Variants in SPATA22 observed in about 807,000 individuals in gnomAD.
SPATA22 encodes the protein spermatogenesis-associated protein 22.
In SPATA22, 29 loss-of-function variants were observed where a neutral mutation model predicts 47.8. The observed-to-expected ratio is 0.61, with a 90% CI of 0.45 to 0.83. SPATA22 has a LOEUF of 0.83. Among genes scored for constraint, SPATA22 ranks in the 40% least tolerant of loss-of-function variants. The pLI is 0.00. For missense variants in SPATA22, 410 were observed against 421.7 expected, an observed-to-expected ratio of 0.97 and a Z score of 0.24; for synonymous variants, 133 against 140.9, an observed-to-expected ratio of 0.94 and a Z score of 0.40.
intron 1 of SPATA22, among the ~76,000 whole-genome samples, chr17:3,493,617 C>T (rs1271161637): frequency 6.7e-6 from 1 of 150,358 alleles, no homozygotes; most frequent in African/African-American, 2.4e-5. Flanking sequence ...GAAGTCACCT[C>T]AGTTGCTGGA....
At chr17:3,496,575 C>T (rs540443195) in intron 1 of SPATA22, among the ~76,000 whole-genome samples, 6 of 152,208 alleles carry the variant, frequency 3.9e-5, no homozygotes, top group East Asian at 1.9e-4. Flanking sequence ...GAGCAGAGGA[C>T]GGTAGAGCCT....
rs762129639 is a variant in SPATA22, at chr17:3,449,033, C to G, written c.446G>C (p.Ser149Thr). ...ANDGKNSCPVSSGAQQQKQLR... is the reference protein window; with the variant it reads ...ANDGKNSCPVTSGAQQQKQLR... ...TTGTTTTTGTTGTTGAGCTCCCGAACTCACTGGACAAGAATTTTTTCCATC... is the reference window on the plus strand; with the variant it reads ...TTGTTTTTGTTGTTGAGCTCCCGAAGTCACTGGACAAGAATTTTTTCCATC... Residue 149 changes from serine (S) to threonine (T), a missense_variant, in exon 6 of 9, where the codon AGT (serine) becomes ACT (threonine). By Grantham distance (58) the Ser-to-Thr change is moderately conservative. Coordinates refer to ENST00000572969, the MANE Select transcript of SPATA22 (RefSeq NM_001170698.2). The G allele has an allele frequency of 6.2e-7, 1 of 1,613,876 alleles. No homozygotes were observed. The highest frequency in any genetic ancestry group is 8.5e-7 in the Non-Finnish European group (1 of 1,179,970).
chr17:3,455,722 G>C, intron 5 of SPATA22, among the ~76,000 whole-genome samples: 3 of 143,196 alleles, frequency 2.1e-5, no homozygotes, highest in Non-Finnish European at 4.6e-5. Flanking sequence ...TTTGAAGTCA[G>C]GTAGCGTGAT....
At chr17:3,444,665 C>G (rs931293164) in intron 7 of SPATA22, among the ~76,000 whole-genome samples, 1 of 152,024 alleles carries the variant, frequency 6.6e-6, no homozygotes. Context: ...AGTCAGAAAC[C>G]TAGCCACTTT....
Position 3,512,878 on chromosome 17 carries a change from A to G in SPATA22, c.-74+534T>C, listed in dbSNP as rs10852860. The G allele has an allele frequency of 0.52, 79,278 of 152,054 alleles. 22,237 individuals are homozygous for G. Among genetic ancestry groups the G allele is most frequent in the South Asian group, 0.73 (3,528 of 4,806 alleles). The allele number at this position is 152,054 out of a possible 1,614,324, so 9.4% of individuals were successfully genotyped here. On this transcript the variant is annotated intron_variant, in intron 1 of 8. Transcript: ENST00000541913. ...TTTTGTTAAATTCCCCCACTGAGAC[A>G]TACTGAGGTATGCGACTAACTGCTG... is the stretch of plus-strand genomic sequence containing the variant.
intron 1 of SPATA22, among the ~76,000 whole-genome samples, chr17:3,470,093 CAAAAAAAAA>C (rs57432043): frequency 0.016 from 857 of 54,314 alleles, 17 homozygotes; most frequent in African/African-American, 0.057. Flanking sequence ...GACTCCATCT[CAAAAAAAAA>C]AAAAAAAAAA....
At chr17:3,500,754 T>A (rs2073980275) in intron 1 of SPATA22, 2 of 152,154 alleles carry the variant, frequency 1.3e-5, no homozygotes, top group African/African-American at 4.8e-5. Context: ...TCCGCCTGCC[T>A]CGGCCTCCCA....
chr17:3,504,707 G>A (rs555249682), intron 1 of SPATA22, among the ~76,000 whole-genome samples: 92 of 152,138 alleles, frequency 6.0e-4, no homozygotes, highest in African/African-American at 2.0e-3. Context: ...ATAGGCATGC[G>A]CCACCACGCC....
chr17:3,486,739 A>G (rs1399095813), intron 1 of SPATA22, among the ~76,000 whole-genome samples: 1 of 152,264 alleles, frequency 6.6e-6, no homozygotes, highest in Admixed American at 6.5e-5. Context: ...GTTGGCAAAC[A>G]ATATAAATAA....
At chr17:3,461,793 T>C (rs1276805948) in intron 5 of SPATA22, among the ~76,000 whole-genome samples, 1 of 152,186 alleles carries the variant, frequency 6.6e-6, no homozygotes, top group African/African-American at 2.4e-5. Context: ...ATCAAAGCAC[T>C]TAACAGTGAC....
At chr17:3,470,257 C>T (rs994952112) in intron 1 of SPATA22, among the ~76,000 whole-genome samples, 1 of 151,968 alleles carries the variant, frequency 6.6e-6, no homozygotes, top group African/African-American at 2.4e-5. Context: ...CACGTTTAGC[C>T]CCTTAACACA....
intron 1 of SPATA22, among the ~76,000 whole-genome samples, chr17:3,498,498 C>T (rs532895590): frequency 3.3e-5 from 5 of 152,144 alleles, no homozygotes; most frequent in African/African-American, 1.2e-4. Flanking sequence ...CAGGCATGCA[C>T]CACCACACCC....
chr17:3,457,057 T>C (rs1320737260), intron 5 of SPATA22, among the ~76,000 whole-genome samples: 1 of 152,146 alleles, frequency 6.6e-6, no homozygotes, highest in Admixed American at 6.5e-5. Flanking sequence ...CTCAAAATAG[T>C]AAGGGCTATC....
chr17:3,513,725 G>A (rs2074143531), exon 1 of SPATA22: 1 of 501,048 alleles, frequency 2.0e-6, no homozygotes. Context: ...AATCCAGGAT[G>A]TTTCCCACTC....
At chr17:3,446,384 T>C in intron 7 of SPATA22, 88 bp downstream of exon 7, 2 of 1,358,760 alleles carry the variant, frequency 1.5e-6, no homozygotes, top group Non-Finnish European at 2.0e-6. Context: ...AAGCAGACTG[T>C]TTTATTTGGA....
At chr17:3,454,151 G>A (rs2072927987) in intron 5 of SPATA22, among the ~76,000 whole-genome samples, 1 of 148,574 alleles carries the variant, frequency 6.7e-6, no homozygotes, top group African/African-American at 2.5e-5. Flanking sequence ...AAAATACTTA[G>A]GAATAAATGA....
Position 3,495,134 on chromosome 17 carries a change from C to T in SPATA22, c.-74+18278G>A, listed in dbSNP as rs1324759802. 7.9e-5 allele frequency among the ~76,000 whole-genome samples: 12 copies of T among 151,922 alleles called. No individual in the cohort carries two copies. In the East Asian group the frequency reaches 1.3e-3, roughly 17 times the overall value. ...TGAGAGAATGTAGGAGGTTTAAATC[C>T]GGAAAAGGCAAAGGGAAAAGGAGAG... On this transcript the variant is annotated intron_variant, in intron 1 of 8. Transcript: ENST00000541913.
At position 3,471,550 on chromosome 17, in the gene SPATA22, G is replaced by A. The variant is rs148166787; in HGVS notation, c.-74+132C>T. On this transcript the variant is annotated intron_variant, in intron 1 of 8. Transcript: ENST00000572969. ...CACACACACCACCCACAAAAACCAC[G>A]GCCTCAAATGGCGGCCTGTTTTGGC... is the stretch of plus-strand genomic sequence containing the variant. The A allele has an allele frequency of 4.0e-4, 393 of 980,738 alleles. No homozygotes were observed. In the African/African-American group the frequency reaches 6.9e-3, roughly 17 times the overall value. The allele number at this position is 980,738 out of a possible 1,614,324, so 60.8% of individuals were successfully genotyped here.
At chr17:3,512,183 G>C (rs1477605557) in intron 1 of SPATA22, 1 of 152,180 alleles carries the variant, frequency 6.6e-6, no homozygotes, top group African/African-American at 2.4e-5. Context: ...AAACACATCT[G>C]CTCCTCCTGC....
Sources: gnomAD v4.1 joint callset for allele counts (sites outside exome capture counted in the v4.1 genomes callset) on GRCh38, gnomAD v4.1.1 for gene constraint, MANE v1.5 for transcripts, NCBI Gene and HGNC (gene_info 2026-07-23, HGNC 2026-07-21) for gene names.